DNAH12: variants seen among roughly 807,000 people sequenced by gnomAD.
The protein encoded by DNAH12 is dynein axonemal heavy chain 12, also known as axonemal beta dynein heavy chain 12.
In DNAH12, 285 loss-of-function variants were observed where a neutral mutation model predicts 371.5. The observed-to-expected ratio is 0.77, with a 90% CI of 0.70 to 0.85. The LOEUF is 0.85. Among genes scored for constraint, DNAH12 ranks in the 40% least tolerant of loss-of-function variants. The pLI is 0.00. For missense variants in DNAH12, 3,611 were observed against 3,689.4 expected (o/e 0.98, Z 0.55); for synonymous variants, 1,200 against 1,213.0 (o/e 0.99, Z 0.22).
At chr3:57,297,941 A>C (rs1300407351) in intron 70 of DNAH12, among the ~76,000 whole-genome samples, 1 of 152,158 alleles carries the variant, frequency 6.6e-6, no homozygotes, top group Non-Finnish European at 1.5e-5. Context: ...ACTTCACACA[A>C]ACAAACAAAC....
rs779514780 is a variant in DNAH12, at chr3:57,293,931, A to G, written c.11733T>C (p.Cys3911=). 6.0e-5 allele frequency: 90 copies of G among 1,508,898 alleles called. No homozygotes were observed. Among genetic ancestry groups the G allele is most frequent in the Non-Finnish European group, 7.6e-5 (85 of 1,125,422 alleles). 93.5% of individuals were successfully genotyped at this position (1,508,898 alleles called of 1,614,324 possible). The part of the protein sequence containing the change: ...SRIIKSDAYV[C]PLYKTSERKG... ...TACGTTCACTTGTCTTGTAGAGGGG[A>G]CAGACATAGGCATCCGACTTTATAA... is the stretch of plus-strand genomic sequence containing the variant. The change falls in exon 74 of 74, where the codon TGT becomes TGC. Residue 3911 remains cysteine (C), a synonymous_variant. Coordinates refer to ENST00000495027, the MANE Select transcript of DNAH12 (RefSeq NM_001366028.2).
At chr3:57,367,907 T>A (rs2063086288) in intron 56 of DNAH12, 139 bp downstream of exon 56, 1 of 152,216 alleles carries the variant, frequency 6.6e-6, no homozygotes, top group Non-Finnish European at 1.5e-5. Flanking sequence ...TGTTCCAAAT[T>A]TCCTTTCACT....
chr3:57,471,894 G>A (rs1051758615), intron 14 of DNAH12, among the ~76,000 whole-genome samples: 5 of 152,192 alleles, frequency 3.3e-5, no homozygotes, highest in African/African-American at 1.2e-4. Context: ...CATGTGCCAT[G>A]TATCAAGAAC....
intron 39 of DNAH12, among the ~76,000 whole-genome samples, chr3:57,412,381 T>C (rs1158097495): frequency 2.6e-5 from 4 of 152,260 alleles, no homozygotes; most frequent in African/African-American, 9.6e-5. Context: ...GTAAACCTAG[T>C]TGAACTTGGG....
intron 2 of DNAH12, among the ~76,000 whole-genome samples, chr3:57,527,101 C>A (rs1184348255): frequency 6.6e-6 from 1 of 152,200 alleles, no homozygotes; most frequent in African/African-American, 2.4e-5. Context: ...ATTTTCATGT[C>A]TTCTTTTGAG....
rs563076613 is a variant in DNAH12, at chr3:57,415,067, ACAATT to A, written c.5853+354_5853+358del. On this transcript the variant is annotated intron_variant, in intron 38 of 73. Transcript: ENST00000495027. Reference sequence around the variant, plus strand: ...GACCATCCAGGAGGGTCTTGAGAGAACAATTCAAAGTTCTCTCATTTCTCCCTGGG... The same window carrying A: ...GACCATCCAGGAGGGTCTTGAGAGAACAAAGTTCTCTCATTTCTCCCTGGG... Among the ~76,000 whole-genome samples the A allele has an allele frequency of 2.6e-3, 399 of 152,222 alleles. 1 individual carries two copies. Among genetic ancestry groups the A allele is most frequent in the African/African-American group, 8.0e-3 (332 of 41,542 alleles).
intron 39 of DNAH12, among the ~76,000 whole-genome samples, chr3:57,410,673 G>A (rs782659590): frequency 7.2e-5 from 11 of 151,918 alleles, no homozygotes; most frequent in South Asian, 2.1e-4. Context: ...AAAATTAGCC[G>A]GGTGTGGTGG....
chr3:57,554,947 A>C, the DNAH12 span, among the ~76,000 whole-genome samples: 6 of 152,126 alleles, frequency 3.9e-5, no homozygotes, highest in African/African-American at 1.4e-4. Flanking sequence ...AATAGCAATA[A>C]AGTGCACGAT....
chr3:57,370,354 T>TA (rs2063145182), intron 55 of DNAH12, among the ~76,000 whole-genome samples: 1 of 152,242 alleles, frequency 6.6e-6, no homozygotes, highest in Non-Finnish European at 1.5e-5. Context: ...ACTTATGTGC[T>TA]AAGTGCTTTC....
At chr3:57,530,975 C>A in intron 2 of DNAH12, 1 of 154,848 alleles carries the variant, frequency 6.5e-6, no homozygotes. Flanking sequence ...CATTGCTCGA[C>A]ATCTGTACTA....
intron 4 of DNAH12, among the ~76,000 whole-genome samples, chr3:57,515,384 T>TA (rs36112836): frequency 0.61 from 92,311 of 151,366 alleles, 29,005 homozygotes; most frequent in Non-Finnish European, 0.68. Flanking sequence ...ATGGGATATG[T>TA]AAAAAAAAGA....
In DNAH12 at chr3:57,457,850, C is replaced by A. The variant is rs966391307; in HGVS notation, c.3207G>T (p.Glu1069Asp). Residue 1069 changes from glutamate to aspartate, a missense_variant, in exon 22 of 74, where the codon GAG (glutamate) becomes GAT (aspartate). Glu to Asp is a conservative substitution (Grantham distance 45). This residue lies in a region of DNAH12 where 1,314 missense variants were observed against 1,398.7 expected (regional missense o/e 0.94). Transcript: ENST00000495027. ...NLDIKAMYSS[E>D]GERVELIALI... is the part of the protein sequence containing the mutation. ...GTGCAATCAGCTCCACTCGCTCGCC[C>A]TCAGAGCTATACATGGCTTTAATGT... is the stretch of plus-strand genomic sequence containing the variant. 6.4e-7 allele frequency: 1 copy of A among 1,551,608 alleles called. No homozygotes were observed. The highest frequency in any genetic ancestry group is 2.4e-5 in the East Asian group (1 of 40,896).
chr3:57,296,203 G>A (rs1357607750), intron 72 of DNAH12, 141 bp downstream of exon 72: 3 of 529,446 alleles, frequency 5.7e-6, no homozygotes. Context: ...AGTTGCCCCA[G>A]CTTGACTAAT....
chr3:57,464,668 C>T (rs544303873), intron 17 of DNAH12, among the ~76,000 whole-genome samples: 12 of 152,272 alleles, frequency 7.9e-5, no homozygotes, highest in African/African-American at 1.7e-4. Context: ...CAGTAACTGA[C>T]TCTAACCAGA....
At chr3:57,542,989 TA>T (rs1391639374) in intron 1 of DNAH12, 86 bp from the exon 2 acceptor site, 1 of 1,027,878 alleles carries the variant, frequency 9.7e-7, no homozygotes, top group African/African-American at 1.7e-5. Context: ...ATACCAAAAG[TA>T]AAATTCTAGA....
chr3:57,315,005 G>A (rs931617291), intron 65 of DNAH12, among the ~76,000 whole-genome samples: 1 of 152,140 alleles, frequency 6.6e-6, no homozygotes, highest in African/African-American at 2.4e-5. Flanking sequence ...GCAGGGGAAT[G>A]ATTAACCATT....
At chr3:57,518,019 A>T (rs2068261782) in intron 4 of DNAH12, among the ~76,000 whole-genome samples, 1 of 152,168 alleles carries the variant, frequency 6.6e-6, no homozygotes, top group Admixed American at 6.6e-5. Context: ...ACTCCCCTGC[A>T]CACCAGCCTG....
At chr3:57,460,958 TA>T (rs2066037878) in intron 19 of DNAH12, among the ~76,000 whole-genome samples, 2 of 152,138 alleles carry the variant, frequency 1.3e-5, no homozygotes, top group Non-Finnish European at 2.9e-5. Flanking sequence ...GATATCAGGG[TA>T]AAAAATCCAG....
chr3:57,419,997 AAAAAT>A (rs2064516479), intron 36 of DNAH12, among the ~76,000 whole-genome samples: 1 of 152,232 alleles, frequency 6.6e-6, no homozygotes. Flanking sequence ...TAATCTAACT[AAAAAT>A]AAAATATCAC....
Sources: allele counts gnomAD v4.1 joint callset (sites outside exome capture counted in the v4.1 genomes callset), GRCh38; gene constraint gnomAD v4.1.1; regional missense constraint gnomAD v4.1.1; transcripts MANE v1.5; gene names NCBI Gene and HGNC (gene_info 2026-07-23, HGNC 2026-07-21).